The following PRKCB variants were observed in gnomAD, a reference collection of about 807,000 sequenced individuals.
PRKCB encodes protein kinase C beta type.
In PRKCB, 13 loss-of-function variants were observed where a neutral mutation model predicts 81.5. The observed-to-expected ratio is 0.16, with a 90% CI of 0.10 to 0.25. The LOEUF (loss-of-function observed/expected upper bound fraction) is 0.25, where lower values mean the gene tolerates loss of function less well. Among genes scored for constraint, PRKCB ranks in the 10% least tolerant of loss-of-function variants. PRKCB has a pLI of 1.00. For missense variants in PRKCB, 509 were observed against 875.7 expected, an observed-to-expected ratio of 0.58 and a Z score of 5.29; for synonymous variants, 335 against 321.4, an observed-to-expected ratio of 1.04 and a Z score of -0.45.
At chr16:24,168,070 A>G (rs1035432085) in intron 10 of PRKCB, among the ~76,000 whole-genome samples, 2 of 152,212 alleles carry the variant, frequency 1.3e-5, no homozygotes, top group African/African-American at 4.8e-5. Context: ...TGACTGTTAC[A>G]TATAAGATAA....
At chr16:24,190,509 TG>T (rs1482573124) in intron 15 of PRKCB, among the ~76,000 whole-genome samples, 2 of 150,404 alleles carry the variant, frequency 1.3e-5, no homozygotes, top group African/African-American at 2.4e-5. Context: ...TTTTTTTGGT[TG>T]TTTTTTTGGT....
At chr16:24,096,666 A>AAAAAAAAAAAAATAT (rs1406204037) in intron 7 of PRKCB, among the ~76,000 whole-genome samples, 27 of 32,638 alleles carry the variant, frequency 8.3e-4, no homozygotes, top group Non-Finnish European at 1.3e-3. Flanking sequence ...AAAAAAAAAA[A>AAAAAAAAAAAAATAT]ATATATATAT....
In PRKCB at chr16:24,111,076, A is replaced by C. The variant is rs1966670515; in HGVS notation, c.822-1897A>C. On this transcript the variant is annotated intron_variant, in intron 7 of 16. Transcript: ENST00000643927. Reference sequence around the variant, plus strand: ...CTTTCTATTACTTTAATTTGTAGGAATCCCTGGAAGTCCCTGCTGTGTGGA... The same window carrying C: ...CTTTCTATTACTTTAATTTGTAGGACTCCCTGGAAGTCCCTGCTGTGTGGA... 4 of 152,368 alleles carry C rather than the reference A, an allele frequency of 2.6e-5. 1 individual carries two copies. In the South Asian group the frequency reaches 8.3e-4, roughly 32 times the overall value. 9.4% of individuals were successfully genotyped at this position (152,368 alleles called of 1,614,324 possible). A position where few individuals can be genotyped will look rare whatever the true frequency, so the allele number is the denominator to read the frequency against.
Position 24,062,811 on chromosome 16 carries a change from A to AT in PRKCB, c.529+27273dup, listed in dbSNP as rs200725851. Among the ~76,000 whole-genome samples the AT allele has an allele frequency of 4.0e-3, 598 of 149,180 alleles. 2 individuals are homozygous for AT. The highest frequency in any genetic ancestry group is 6.1e-3 in the Non-Finnish European group (408 of 67,200). The stretch of plus-strand genomic sequence containing the variant: ...CTTGTGCCAATTAGAATGCATACTT[A>AT]TTTTTTTTTGCAGGTTGTCCTTTGC... On this transcript the variant is annotated intron_variant, in intron 5 of 16. Transcript: ENST00000643927.
At chr16:23,910,594 A>T (rs887291456) in intron 2 of PRKCB, among the ~76,000 whole-genome samples, 3 of 152,180 alleles carry the variant, frequency 2.0e-5, no homozygotes, top group African/African-American at 7.2e-5. Flanking sequence ...TTTCATGGGA[A>T]ACTTAGAGTT....
chr16:24,096,706 T>A (rs1966450210), intron 7 of PRKCB, among the ~76,000 whole-genome samples: 1 of 130,422 alleles, frequency 7.7e-6, no homozygotes. Flanking sequence ...TATATATATA[T>A]CCTCCAATGT....
chr16:23,921,256 C>G (rs952231328), intron 2 of PRKCB, among the ~76,000 whole-genome samples: 7 of 152,114 alleles, frequency 4.6e-5, no homozygotes, highest in Non-Finnish European at 1.0e-4. Context: ...CTCTTGGGCT[C>G]TGAGTCTCTC....
chr16:23,847,369 T>TATCC (rs1962391156), intron 2 of PRKCB, among the ~76,000 whole-genome samples: 1 of 6,812 alleles, frequency 1.5e-4, no homozygotes, highest in Non-Finnish European at 2.6e-4. Flanking sequence ...TCTATCTATC[T>TATCC]ATCTATCTGT....
At chr16:23,963,808 C>G (rs1311667150) in intron 2 of PRKCB, 1 of 152,240 alleles carries the variant, frequency 6.6e-6, no homozygotes, top group Non-Finnish European at 1.5e-5. Flanking sequence ...CCCCTTTTCT[C>G]ATTTTGTCTC....
In PRKCB at chr16:24,217,962, A is replaced by C. The variant is rs1968256976; in HGVS notation, c.*3146A>C. 1.0e-6 allele frequency: 1 copy of C among 985,246 alleles called. No individual in the cohort carries two copies. The highest frequency in any genetic ancestry group is 1.2e-6 in the Non-Finnish European group (1 of 829,930). The allele number at this position is 985,246 out of a possible 1,614,324, so 61.0% of individuals were successfully genotyped here. A position where few individuals can be genotyped will look rare whatever the true frequency, so the allele number is the denominator to read the frequency against. On this transcript the variant is annotated 3_prime_UTR_variant, in exon 17 of 17. Coordinates refer to ENST00000643927, the MANE Select transcript of PRKCB (RefSeq NM_002738.7). ...ATTCCATTGTTTTGCCTCAGAGTAAAGTTTCTGGCTCGGGGACAATTATAA... is the reference window on the plus strand; with the variant it reads ...ATTCCATTGTTTTGCCTCAGAGTAACGTTTCTGGCTCGGGGACAATTATAA...
intron 10 of PRKCB, among the ~76,000 whole-genome samples, chr16:24,168,213 T>C (rs536114816): frequency 6.6e-6 from 1 of 152,350 alleles, no homozygotes; most frequent in Non-Finnish European, 1.5e-5. Context: ...ATGTCCCATC[T>C]ACAGGTGAAG....
intron 5 of PRKCB, among the ~76,000 whole-genome samples, chr16:24,050,976 C>T (rs1965834214): frequency 6.6e-6 from 1 of 151,800 alleles, no homozygotes; most frequent in South Asian, 2.1e-4. Flanking sequence ...AAACCTGATG[C>T]ATTTCATCTT....
chr16:23,937,390 C>T (rs931288926), intron 2 of PRKCB, among the ~76,000 whole-genome samples: 3 of 152,322 alleles, frequency 2.0e-5, no homozygotes, highest in African/African-American at 4.8e-5. Flanking sequence ...CTGCGACTGC[C>T]ATGAACATTG....
Position 24,219,436 on chromosome 16 carries a change from A to G in PRKCB, c.*4620A>G. The G allele has an allele frequency of 1.0e-6, 1 of 986,058 alleles. No homozygotes were observed. Among genetic ancestry groups the G allele is most frequent in the East Asian group, 1.1e-4 (1 of 8,812 alleles). The allele number at this position is 986,058 out of a possible 1,614,324, so 61.1% of individuals were successfully genotyped here. A position where few individuals can be genotyped will look rare whatever the true frequency, so the allele number is the denominator to read the frequency against. On this transcript the variant is annotated 3_prime_UTR_variant, in exon 17 of 17. Coordinates refer to ENST00000643927, the MANE Select transcript of PRKCB (RefSeq NM_002738.7). ...TGACGGTGGTCAATTCCTTTCATTA[A>G]GCAGTGATCTGATTTCTCCACATGG...
At chr16:24,135,497 G>C (rs1348897276) in intron 9 of PRKCB, among the ~76,000 whole-genome samples, 2 of 151,674 alleles carry the variant, frequency 1.3e-5, no homozygotes, top group Non-Finnish European at 2.9e-5. Context: ...GTTTTTAATA[G>C]AGACAGGGTT....
intron 2 of PRKCB, among the ~76,000 whole-genome samples, chr16:23,854,330 G>A (rs2141084916): frequency 6.6e-6 from 1 of 152,268 alleles, no homozygotes; most frequent in East Asian, 1.9e-4. Context: ...ATCTATTGCT[G>A]GATAGCACAT....
At chr16:23,859,684 A>G (rs1338071086) in intron 2 of PRKCB, among the ~76,000 whole-genome samples, 2 of 152,150 alleles carry the variant, frequency 1.3e-5, no homozygotes, top group Non-Finnish European at 2.9e-5. Flanking sequence ...TGCGGGGAGA[A>G]GCAAGAGAGA....
chr16:23,836,771 G>GGGT (rs1555477166), intron 1 of PRKCB, among the ~76,000 whole-genome samples: 3 of 151,292 alleles, frequency 2.0e-5, no homozygotes, highest in African/African-American at 4.9e-5. Flanking sequence ...TTGTTTCCGG[G>GGGT]GGGGGCGGCG....
At chr16:23,972,595 C>T (rs951365866) in intron 2 of PRKCB, among the ~76,000 whole-genome samples, 11 of 152,128 alleles carry the variant, frequency 7.2e-5, no homozygotes, top group South Asian at 2.1e-4. Flanking sequence ...GTCTCCCATA[C>T]GAAGGCCTTT....
Sources: allele counts gnomAD v4.1 joint callset (sites outside exome capture counted in the v4.1 genomes callset), GRCh38; gene constraint gnomAD v4.1.1; transcripts MANE v1.5; gene names NCBI Gene and HGNC (gene_info 2026-07-23, HGNC 2026-07-21).